Variants in FRMD4A observed in about 807,000 individuals in gnomAD.
FRMD4A encodes FERM domain containing 4A.
In FRMD4A, 29 loss-of-function variants were observed where a neutral mutation model predicts 129.1. That is an observed-to-expected ratio of 0.22 (90% CI 0.17 to 0.31). The LOEUF is 0.31. Among genes scored for constraint, FRMD4A ranks in the 10% least tolerant of loss-of-function variants. The probability of loss-of-function intolerance (pLI) is 1.00; values close to 1 mark genes in which losing one functional copy is unlikely to be tolerated. For missense variants in FRMD4A, 1,272 were observed against 1,375.8 expected, an observed-to-expected ratio of 0.92 and a Z score of 1.19; for synonymous variants, 634 against 571.6, an observed-to-expected ratio of 1.11 and a Z score of -1.56.
At chr10:14,009,744 C>T (rs79052663) in intron 2 of FRMD4A, among the ~76,000 whole-genome samples, 2,492 of 152,282 alleles carry the variant, frequency 0.016, 35 homozygotes, top group Non-Finnish European at 0.025. Flanking sequence ...TCCAAATATA[C>T]AACAATTGGG....
chr10:14,002,249 T>A (rs1407121559), intron 2 of FRMD4A, among the ~76,000 whole-genome samples: 2 of 152,220 alleles, frequency 1.3e-5, no homozygotes, highest in Non-Finnish European at 2.9e-5. Context: ...TTTCCCCCAA[T>A]AAAATCATCA....
At chr10:13,797,728 C>A (rs1331292626) in intron 4 of FRMD4A, among the ~76,000 whole-genome samples, 1 of 152,172 alleles carries the variant, frequency 6.6e-6, no homozygotes, top group African/African-American at 2.4e-5. Flanking sequence ...GCATTTCCCC[C>A]GTAGCTAATG....
At chr10:14,316,502 T>C (rs1000339382) in intron 2 of FRMD4A, among the ~76,000 whole-genome samples, 3 of 72,980 alleles carry the variant, frequency 4.1e-5, no homozygotes, top group African/African-American at 5.3e-5. Context: ...TATTTTGTGA[T>C]AGCAGCAAAA....
At chr10:14,016,299 T>C (rs2095698916) in intron 2 of FRMD4A, among the ~76,000 whole-genome samples, 1 of 152,232 alleles carries the variant, frequency 6.6e-6, no homozygotes, top group Non-Finnish European at 1.5e-5. Flanking sequence ...ATAGCGAGCA[T>C]CAGTCATAGA....
intron 2 of FRMD4A, among the ~76,000 whole-genome samples, chr10:13,958,964 G>C (rs1190879779): frequency 6.6e-6 from 1 of 152,200 alleles, no homozygotes; most frequent in Non-Finnish European, 1.5e-5. Flanking sequence ...ATGTAGTCTT[G>C]ATGGAAGAGA....
intron 2 of FRMD4A, among the ~76,000 whole-genome samples, chr10:14,278,203 G>A (rs578217195): frequency 1.3e-5 from 2 of 152,300 alleles, no homozygotes; most frequent in South Asian, 4.1e-4. Context: ...CAGTAACTGA[G>A]TCCAAGGAAC....
At chr10:13,684,491 C>T (rs1331928206) in intron 15 of FRMD4A, 10 of 985,062 alleles carry the variant, frequency 1.0e-5, no homozygotes, top group South Asian at 9.4e-5. Flanking sequence ...TGTGGAGGAG[C>T]GGATGTGGAG....
chr10:13,735,641 T>A (rs2090585799), intron 12 of FRMD4A, among the ~76,000 whole-genome samples: 1 of 152,200 alleles, frequency 6.6e-6, no homozygotes, highest in Admixed American at 6.5e-5. Context: ...CAAGTATGAA[T>A]ACTTGTTAGC....
At chr10:14,003,927 T>C (rs992627546) in intron 2 of FRMD4A, among the ~76,000 whole-genome samples, 2 of 152,274 alleles carry the variant, frequency 1.3e-5, no homozygotes, top group Admixed American at 6.5e-5. Context: ...AACTCATTTA[T>C]ATGTTTTGTT....
intron 3 of FRMD4A, among the ~76,000 whole-genome samples, chr10:13,846,150 C>CT (rs1157245395): frequency 6.6e-6 from 1 of 152,166 alleles, no homozygotes; most frequent in African/African-American, 2.4e-5. Flanking sequence ...GTTCAATTAG[C>CT]TAATATGATG....
intron 15 of FRMD4A, among the ~76,000 whole-genome samples, chr10:13,691,742 T>A (rs2085714681): frequency 6.6e-6 from 1 of 152,142 alleles, no homozygotes; most frequent in African/African-American, 2.4e-5. Context: ...TTCCCTGTGC[T>A]AAGGGGGAAG....
chr10:13,711,578 G>T (rs1190779000), intron 12 of FRMD4A, among the ~76,000 whole-genome samples: 1 of 152,256 alleles, frequency 6.6e-6, no homozygotes, highest in East Asian at 1.9e-4. Flanking sequence ...TTAGGGATTT[G>T]TGTAACGCCT....
intron 15 of FRMD4A, chr10:13,684,876 A>G: frequency 1.0e-6 from 1 of 984,630 alleles, no homozygotes; most frequent in Non-Finnish European, 1.2e-6. Context: ...TTAGAGAAAA[A>G]AAAAAAAAAA....
intron 3 of FRMD4A, among the ~76,000 whole-genome samples, chr10:13,822,296 G>C (rs1275654782): frequency 6.6e-6 from 1 of 152,206 alleles, no homozygotes; most frequent in East Asian, 1.9e-4. Flanking sequence ...ATGTACAATA[G>C]ATCTCCTAAA....
At chr10:13,785,422 G>A (rs552814256) in intron 5 of FRMD4A, among the ~76,000 whole-genome samples, 3 of 152,236 alleles carry the variant, frequency 2.0e-5, no homozygotes, top group African/African-American at 4.8e-5. Context: ...TGCTTCTGGA[G>A]CAGGTGTCTT....
chr10:14,133,726 C>T (rs950078970), intron 2 of FRMD4A, among the ~76,000 whole-genome samples: 1 of 135,462 alleles, frequency 7.4e-6, no homozygotes, highest in Non-Finnish European at 1.6e-5. Flanking sequence ...CCTTCACTAC[C>T]CTTTTTGTCT....
intron 10 of FRMD4A, 24 bp from the exon 11 acceptor site, chr10:13,740,275 A>C: frequency 6.6e-7 from 1 of 1,525,528 alleles, no homozygotes; most frequent in Non-Finnish European, 9.1e-7. Flanking sequence ...ACGAAGATAC[A>C]CAAACACACA....
chr10:14,290,283 A>G (rs1048184837), intron 2 of FRMD4A, among the ~76,000 whole-genome samples: 1 of 152,138 alleles, frequency 6.6e-6, no homozygotes, highest in Non-Finnish European at 1.5e-5. Context: ...AGTCTTGAGA[A>G]AGAAGAACAA....
At chr10:13,742,248 G>A (rs975913282) in intron 9 of FRMD4A, among the ~76,000 whole-genome samples, 4 of 152,212 alleles carry the variant, frequency 2.6e-5, no homozygotes, top group Admixed American at 2.6e-4. Context: ...TGCCCATGAG[G>A]TAGGAGATAC....
Sources: allele counts gnomAD v4.1 joint callset (sites outside exome capture counted in the v4.1 genomes callset), GRCh38; gene constraint gnomAD v4.1.1; transcripts MANE v1.5; gene names NCBI Gene and HGNC (gene_info 2026-07-23, HGNC 2026-07-21).